Variants in GASK1B observed in about 807,000 individuals in gnomAD.
GASK1B encodes the protein golgi associated kinase 1B.
In GASK1B, 34 loss-of-function variants were observed where a neutral mutation model predicts 42.8. The ratio of observed to expected loss-of-function variants is 0.79; its 90% CI spans 0.60 to 1.06. The LOEUF is 1.06. Ranked by LOEUF, GASK1B falls within the 50% of genes least tolerant of loss-of-function variation. The pLI is 0.00. For synonymous variants in GASK1B, 262 were observed against 259.1 expected (o/e 1.01, Z -0.11); for missense variants, 686 against 661.0 (o/e 1.04, Z -0.42).
At chr4:158,144,016 T>C (rs1731237768) in intron 3 of GASK1B, among the ~76,000 whole-genome samples, 1 of 152,206 alleles carries the variant, frequency 6.6e-6, no homozygotes, top group Non-Finnish European at 1.5e-5. Context: ...TTTTTTGTCA[T>C]GTTTTACCAT....
intron 3 of GASK1B, among the ~76,000 whole-genome samples, chr4:158,148,728 A>G (rs1731426968): frequency 6.6e-6 from 1 of 152,186 alleles, no homozygotes; most frequent in Admixed American, 6.5e-5. Flanking sequence ...CCCCAGGCAG[A>G]GGGGGCAAGA....
intron 3 of GASK1B, among the ~76,000 whole-genome samples, chr4:158,139,882 G>C (rs909887559): frequency 2.6e-5 from 4 of 152,156 alleles, no homozygotes; most frequent in Non-Finnish European, 5.9e-5. Flanking sequence ...TGCACTATGG[G>C]ATACAGTCGA....
At position 158,130,920 on chromosome 4, in the gene GASK1B, G is replaced by A. The variant is rs1730656819; in HGVS notation, c.1218C>T (p.Asp406=). ...VQNGLRPKCD[D]QGSAALAHII... The stretch of plus-strand genomic sequence containing the variant: ...TGTGTGCTAGAGCCGCAGAACCTTG[G>A]TCATCACATTTTGGCCTCAATCCAT... The change falls in exon 4 of 5, where the codon GAC becomes GAT. Residue 406 remains aspartate (D), a synonymous_variant. Coordinates refer to ENST00000585682, the MANE Select transcript of GASK1B (RefSeq NM_001128424.2). The A allele has an allele frequency of 1.2e-6, 2 of 1,613,946 alleles. No individual in the cohort carries two copies. The highest frequency in any genetic ancestry group is 1.1e-5 in the South Asian group (1 of 91,086).
At chr4:158,161,806 TA>T (rs1345394156) in intron 2 of GASK1B, among the ~76,000 whole-genome samples, 1 of 152,166 alleles carries the variant, frequency 6.6e-6, no homozygotes, top group African/African-American at 2.4e-5. Context: ...TTAATCCAGT[TA>T]AAGGAGCCAC....
chr4:158,129,787 A>G (rs1730606604), intron 4 of GASK1B, among the ~76,000 whole-genome samples: 1 of 152,102 alleles, frequency 6.6e-6, no homozygotes, highest in African/African-American at 2.4e-5. Context: ...AGAACCCTCT[A>G]TTTTTAGGTC....
intron 3 of GASK1B, among the ~76,000 whole-genome samples, chr4:158,134,409 C>T (rs4691457): frequency 0.9 from 136,789 of 152,196 alleles, 62,233 homozygotes; most frequent in East Asian, 0.98. Context: ...GCGTAGGTAA[C>T]TATCCTACAA....
At chr4:158,127,666 T>C in intron 4 of GASK1B, 52 bp from the exon 5 acceptor site, 2 of 1,483,452 alleles carry the variant, frequency 1.3e-6, no homozygotes, top group Non-Finnish European at 9.2e-7. Flanking sequence ...GGAATAGTAC[T>C]CCTTACCCAA....
At chr4:158,150,817 C>A (rs992155708) in intron 3 of GASK1B, among the ~76,000 whole-genome samples, 2 of 152,142 alleles carry the variant, frequency 1.3e-5, no homozygotes, top group African/African-American at 4.8e-5. Context: ...TGGCTGCTGA[C>A]CACCTCCTTG....
intron 2 of GASK1B, chr4:158,169,363 A>G (rs932272385): frequency 1.3e-5 from 2 of 152,176 alleles, no homozygotes; most frequent in Non-Finnish European, 2.9e-5. Flanking sequence ...ATCAGTAGGG[A>G]ATGTCCAATT....
intron 2 of GASK1B, among the ~76,000 whole-genome samples, chr4:158,158,854 A>G (rs1196666575): frequency 6.6e-6 from 1 of 152,092 alleles, no homozygotes; most frequent in Non-Finnish European, 1.5e-5. Context: ...ATTTTTGTCA[A>G]TCATTTAAAA....
chr4:158,151,377 C>T (rs1319054891), intron 3 of GASK1B, among the ~76,000 whole-genome samples: 1 of 152,178 alleles, frequency 6.6e-6, no homozygotes, highest in Non-Finnish European at 1.5e-5. Context: ...AAAGAAGACA[C>T]TTTACCATCA....
rs755579740 is a variant in GASK1B at position 158,127,474 on chromosome 4, T to G, written c.1493A>C (p.His498Pro). The change falls in exon 5 of 5, where the codon CAC becomes CCC. Residue 498 changes from histidine (H) to proline (P), a missense_variant. By Grantham distance (77) the His-to-Pro change is moderately conservative. Transcript: ENST00000585682. Reference protein sequence around the residue: ...GIEKLIDVIEHRAKILITYIN... With the variant: ...GIEKLIDVIEPRAKILITYIN... ...ATAGGTGATAAGAATTTTGGCTCTG[T>G]GTTCTATTACATCGATAAGCTTTTC... 3 of 1,613,830 alleles carry G rather than the reference T, an allele frequency of 1.9e-6. No homozygotes were observed. The South Asian group carries it at 3.3e-5, about 18-fold the overall frequency.
At chr4:158,164,412 C>T (rs926674270) in intron 2 of GASK1B, among the ~76,000 whole-genome samples, 20 of 152,096 alleles carry the variant, frequency 1.3e-4, no homozygotes, top group African/African-American at 4.8e-4. Flanking sequence ...GAAGGTTGCC[C>T]GGTTCCCCGT....
intron 4 of GASK1B, among the ~76,000 whole-genome samples, chr4:158,127,864 G>A (rs969013226): frequency 4.6e-5 from 7 of 152,048 alleles, no homozygotes; most frequent in African/African-American, 9.7e-5. Flanking sequence ...AGGTCATTCC[G>A]TACACTCAAA....
chr4:158,142,515 C>G (rs1731176442), intron 3 of GASK1B, among the ~76,000 whole-genome samples: 1 of 152,146 alleles, frequency 6.6e-6, no homozygotes, highest in Non-Finnish European at 1.5e-5. Flanking sequence ...AACTGTACCC[C>G]TGGATAACCA....
chr4:158,169,957 A>T (rs1194157440), intron 2 of GASK1B: 1 of 433,254 alleles, frequency 2.3e-6, no homozygotes, highest in East Asian at 4.0e-5. Context: ...GGTTAAATCC[A>T]TTGAAAAAAA....
Position 158,171,361 on chromosome 4 carries a change from G to A in GASK1B, c.15C>T (p.Asp5=). MTCP[D]KPGQLINWFI... Reference sequence around the variant, plus strand: ...ACCAGTTTATGAGCTGCCCCGGCTTGTCTGGACAGGTCATTTCTCTGCCGC... The same window carrying A: ...ACCAGTTTATGAGCTGCCCCGGCTTATCTGGACAGGTCATTTCTCTGCCGC... The change falls in exon 2 of 5, where the codon GAC becomes GAT. Residue 5 remains aspartate, a synonymous_variant. Transcript: ENST00000585682. 6.3e-7 allele frequency: 1 copy of A among 1,578,700 alleles called. No homozygotes were observed. The highest frequency in any genetic ancestry group is 8.6e-7 in the Non-Finnish European group (1 of 1,159,298).
chr4:158,170,813 A>G lies in GASK1B; in HGVS notation c.563T>C (p.Val188Ala), dbSNP rs1203282516. 6.2e-7 allele frequency: 1 copy of G among 1,614,010 alleles called. No individual in the cohort carries two copies. The highest frequency in any genetic ancestry group is 8.5e-7 in the Non-Finnish European group (1 of 1,179,978). Reference protein sequence around the residue: ...RPWRLVRGPGVRAGGPDFLQP... With the variant: ...RPWRLVRGPGARAGGPDFLQP... ...CAGGAAGTCTGGGCCCCCGGCTCGCACTCCCGGACCCCGCACCAACCTCCA... is the reference window on the plus strand; with the variant it reads ...CAGGAAGTCTGGGCCCCCGGCTCGCGCTCCCGGACCCCGCACCAACCTCCA... Residue 188 changes from valine (V) to alanine (A), a missense_variant, in exon 2 of 5, where the codon GTG becomes GCG. Val to Ala is a moderately conservative substitution (Grantham distance 64). Coordinates refer to ENST00000585682, the MANE Select transcript of GASK1B (RefSeq NM_001128424.2).
In GASK1B at chr4:158,127,365, A is replaced by C. The variant is rs756991646; in HGVS notation, c.*42T>G. ...GCTTGATTTAAAAACAAAACCAAAAATGCATAAATATATCTAACACCCTAG... is the reference window on the plus strand; with the variant it reads ...GCTTGATTTAAAAACAAAACCAAAACTGCATAAATATATCTAACACCCTAG... On this transcript the variant is annotated 3_prime_UTR_variant, in exon 5 of 5. Transcript: ENST00000585682. The C allele has an allele frequency of 6.4e-7, 1 of 1,556,372 alleles. No individual in the cohort carries two copies. The highest frequency in any genetic ancestry group is 1.8e-5 in the Admixed American group (1 of 55,116).
Sources: allele counts gnomAD v4.1 joint callset (sites outside exome capture counted in the v4.1 genomes callset), GRCh38; gene constraint gnomAD v4.1.1; transcripts MANE v1.5; gene names NCBI Gene and HGNC (gene_info 2026-07-23, HGNC 2026-07-21).